Variants in VPS53 observed in about 807,000 individuals in gnomAD.
The protein encoded by VPS53 is vacuolar protein sorting-associated protein 53 homolog.
A neutral mutation model predicts 107.0 loss-of-function variants in VPS53; 70 were observed. That is an observed-to-expected ratio of 0.65 (90% CI 0.54 to 0.80). The LOEUF is 0.80. Among genes scored for constraint, VPS53 ranks in the 30% least tolerant of loss-of-function variants. The pLI, the probability that VPS53 is intolerant of heterozygous loss-of-function variation, is 0.00. For synonymous variants in VPS53, 409 were observed against 393.3 expected, an observed-to-expected ratio of 1.04 and a Z score of -0.47; for missense variants, 917 against 1,049.4, an observed-to-expected ratio of 0.87 and a Z score of 1.74.
chr17:542,101 C>T (rs193222271), intron 17 of VPS53, among the ~76,000 whole-genome samples: 21 of 152,152 alleles, frequency 1.4e-4, no homozygotes, highest in South Asian at 4.1e-4. Flanking sequence ...GCACCTACTA[C>T]GCACTGGGCG....
chr17:688,949 G>C, intron 4 of VPS53, among the ~76,000 whole-genome samples: 1 of 152,122 alleles, frequency 6.6e-6, no homozygotes, highest in East Asian at 1.9e-4. Flanking sequence ...AATAATAACA[G>C]AAAAGAAACA....
intron 1 of VPS53, among the ~76,000 whole-genome samples, chr17:712,758 G>T (rs879603212): frequency 2.0e-5 from 3 of 152,122 alleles, no homozygotes; most frequent in Admixed American, 1.3e-4. Context: ...ATTCATCCAT[G>T]TAATCAAAAA....
chr17:565,891 T>G lies in VPS53; in HGVS notation c.1314-3146A>C, dbSNP rs539002348. 8.5e-5 allele frequency among the ~76,000 whole-genome samples: 13 copies of G among 152,246 alleles called. No homozygotes were observed. The South Asian group carries it at 2.5e-3, about 29-fold the overall frequency. ...CTTTATTTAACACTTTATTAGACAG[T>G]GCGAGGATGCCATATATTCAAGAAA... On this transcript the variant is annotated intron_variant, in intron 13 of 21. Coordinates refer to ENST00000437048, the MANE Select transcript of VPS53 (RefSeq NM_001128159.3).
At position 601,723 on chromosome 17, in the gene VPS53, C is replaced by T. The variant is rs1325114177; in HGVS notation, c.1218+72G>A. ...GTGGCCAAGAGCCAAAGGATCGTATCTGGAGCAAGCAGACCGATTTTCAGA... is the reference window on the plus strand; with the variant it reads ...GTGGCCAAGAGCCAAAGGATCGTATTTGGAGCAAGCAGACCGATTTTCAGA... On this transcript the variant is annotated intron_variant, in intron 12 of 21. Coordinates refer to ENST00000437048, the MANE Select transcript of VPS53 (RefSeq NM_001128159.3). 3.2e-6 allele frequency: 4 copies of T among 1,236,914 alleles called. No individual in the cohort carries two copies. The African/African-American group carries it at 4.6e-5, about 14-fold the overall frequency. 76.6% of individuals were successfully genotyped at this position (1,236,914 alleles called of 1,614,324 possible).
At chr17:522,959 A>G (rs940596954) in intron 19 of VPS53, 1 of 152,228 alleles carries the variant, frequency 6.6e-6, no homozygotes, top group Non-Finnish European at 1.5e-5. Context: ...GGGTTAGACA[A>G]AAGTTGGACG....
intron 7 of VPS53, among the ~76,000 whole-genome samples, chr17:636,824 T>C (rs1970215817): frequency 6.6e-6 from 1 of 152,092 alleles, no homozygotes; most frequent in African/African-American, 2.4e-5. Context: ...TTTGCCAGTA[T>C]TTTACTGAGG....
Position 519,118 on chromosome 17 carries a change from C to T in VPS53, c.*10G>A, listed in dbSNP as rs1908523098. ...GTCTCCAGCCAGGAGCAAAGGGCCC[C>T]TTGCTGCTGCTACAGTCTCTTTTTA... On this transcript the variant is annotated 3_prime_UTR_variant, in exon 22 of 22. Coordinates refer to ENST00000437048, the MANE Select transcript of VPS53 (RefSeq NM_001128159.3). The surrounding 1 kb of genome is among the most constrained non-coding windows in gnomAD (Gnocchi z 5.0). The T allele has an allele frequency of 1.3e-6, 2 of 1,493,610 alleles. No individual in the cohort carries two copies. Among genetic ancestry groups the T allele is most frequent in the African/African-American group, 2.8e-5 (2 of 71,026 alleles). 92.5% of individuals were successfully genotyped at this position (1,493,610 alleles called of 1,614,324 possible).
rs1166309604 is a variant in VPS53, at chr17:606,964, A to AC, written c.1117-5069dup. 2.0e-5 allele frequency among the ~76,000 whole-genome samples: 3 copies of AC among 150,440 alleles called. No homozygotes were observed. The Admixed American group carries it at 2.0e-4, about 10-fold the overall frequency. On this transcript the variant is annotated intron_variant, in intron 11 of 21. Coordinates refer to ENST00000437048, the MANE Select transcript of VPS53 (RefSeq NM_001128159.3). ...ACAGCTGGAGTAGGTTCTAGCAGGC[A>AC]CACTCTATGAGGTTTGCACAGTGAT...
chr17:707,675 C>A (rs1006978084), intron 2 of VPS53, among the ~76,000 whole-genome samples: 1 of 151,730 alleles, frequency 6.6e-6, no homozygotes, highest in Non-Finnish European at 1.5e-5. Flanking sequence ...GTAGTGAGAT[C>A]TCGTCTCTAC....
intron 5 of VPS53, among the ~76,000 whole-genome samples, chr17:658,986 CA>C (rs1827451641): frequency 6.6e-6 from 1 of 151,924 alleles, no homozygotes. Flanking sequence ...GGGACTTCCC[CA>C]TCAAGCCTTC....
At chr17:562,273 G>A (rs1003500309) in intron 14 of VPS53, among the ~76,000 whole-genome samples, 4 of 152,168 alleles carry the variant, frequency 2.6e-5, no homozygotes, top group South Asian at 2.1e-4. Context: ...CGAGTCCACC[G>A]TGGTAAGATT....
intron 4 of VPS53, among the ~76,000 whole-genome samples, chr17:684,083 G>A (rs1191527901): frequency 2.6e-5 from 4 of 152,164 alleles, no homozygotes; most frequent in African/African-American, 9.6e-5. Flanking sequence ...GTGACAATAT[G>A]ACTGTGATAA....
At position 516,377 on chromosome 17, in the gene VPS53, G is replaced by C. The variant is rs1198887785; in HGVS notation, c.*2751C>G. The stretch of plus-strand genomic sequence containing the variant: ...AAAATCTCCGGGCATCTGTTTTTTT[G>C]TTTGTTTTGAGATAGAGTCTCACTC... On this transcript the variant is annotated 3_prime_UTR_variant, in exon 22 of 22. Coordinates refer to ENST00000437048, the MANE Select transcript of VPS53 (RefSeq NM_001128159.3). The C allele has an allele frequency of 1.3e-5, 2 of 151,732 alleles. No homozygotes were observed. The highest frequency in any genetic ancestry group is 6.6e-5 in the Admixed American group (1 of 15,250). The allele number at this position is 151,732 out of a possible 1,614,324, so 9.4% of individuals were successfully genotyped here.
intron 4 of VPS53, among the ~76,000 whole-genome samples, chr17:677,593 A>T (rs1431174259): frequency 6.6e-6 from 1 of 152,146 alleles, no homozygotes; most frequent in African/African-American, 2.4e-5. Flanking sequence ...ACACTTAAAA[A>T]TGTTAAAATA....
At chr17:614,020 A>C (rs925515750) in intron 11 of VPS53, among the ~76,000 whole-genome samples, 1 of 152,250 alleles carries the variant, frequency 6.6e-6, no homozygotes, top group Non-Finnish European at 1.5e-5. Context: ...AGGCAGACAC[A>C]AAAACCACAC....
intron 4 of VPS53, among the ~76,000 whole-genome samples, chr17:668,011 A>C (rs1377778395): frequency 2.0e-5 from 3 of 152,164 alleles, no homozygotes; most frequent in Non-Finnish European, 4.4e-5. Flanking sequence ...TCCCTGGTCC[A>C]TGGAAAAACT....
intron 4 of VPS53, among the ~76,000 whole-genome samples, chr17:671,610 T>C (rs2143702254): frequency 6.6e-6 from 1 of 152,292 alleles, no homozygotes; most frequent in Non-Finnish European, 1.5e-5. Flanking sequence ...CCCAACACTC[T>C]TCCCCTCCGC....
At chr17:708,116 T>C (rs1387636836) in intron 2 of VPS53, among the ~76,000 whole-genome samples, 1 of 152,118 alleles carries the variant, frequency 6.6e-6, no homozygotes, top group Non-Finnish European at 1.5e-5. Context: ...GACGAGAGAT[T>C]GTAGAAAGAC....
At chr17:659,958 A>G (rs941958233) in intron 5 of VPS53, among the ~76,000 whole-genome samples, 14 of 152,180 alleles carry the variant, frequency 9.2e-5, no homozygotes, top group Admixed American at 4.6e-4. Flanking sequence ...ATGGCAGGGC[A>G]CACCAGGGGT....
Sources: gnomAD v4.1 joint callset for allele counts (sites outside exome capture counted in the v4.1 genomes callset) on GRCh38, gnomAD v4.1.1 for gene constraint, Gnocchi (gnomAD v3.1) non-coding constraint, MANE v1.5 for transcripts, NCBI Gene and HGNC (gene_info 2026-07-23, HGNC 2026-07-21) for gene names.